Variants in FAM184A observed in about 807,000 individuals in gnomAD.
The protein encoded by FAM184A is family with sequence similarity 184 member A, also known as protein FAM184A.
In FAM184A, 99 loss-of-function variants were observed where a neutral mutation model predicts 143.8. That is an observed-to-expected ratio of 0.69 (90% CI 0.58 to 0.81). The LOEUF (loss-of-function observed/expected upper bound fraction) is 0.81. Among genes scored for constraint, FAM184A ranks in the 40% least tolerant of loss-of-function variants. The probability of loss-of-function intolerance (pLI) is 0.00; values close to 1 mark genes in which losing one functional copy is unlikely to be tolerated. For synonymous variants in FAM184A, 427 were observed against 446.4 expected (o/e 0.96, Z 0.55); for missense variants, 1,217 against 1,310.5 (o/e 0.93, Z 1.10).
chr6:119,067,326 A>G (rs1787492456), intron 1 of FAM184A, among the ~76,000 whole-genome samples: 1 of 152,306 alleles, frequency 6.6e-6, no homozygotes, highest in East Asian at 1.9e-4. Context: ...TAGGGTGGTA[A>G]TAAGAGTCAT....
At chr6:119,096,818 C>G (rs894238013) in intron 1 of FAM184A, among the ~76,000 whole-genome samples, 7 of 152,114 alleles carry the variant, frequency 4.6e-5, no homozygotes, top group African/African-American at 1.4e-4. Context: ...TCCCCACCCC[C>G]ACTCCTCCCG....
At chr6:119,058,132 T>C (rs953711716) in intron 1 of FAM184A, among the ~76,000 whole-genome samples, 1 of 149,210 alleles carries the variant, frequency 6.7e-6, no homozygotes, top group Non-Finnish European at 1.5e-5. Flanking sequence ...CAATGTGACC[T>C]GCCACTCTCT....
At chr6:119,113,678 T>A (rs531348442) in intron 1 of FAM184A, among the ~76,000 whole-genome samples, 2 of 152,168 alleles carry the variant, frequency 1.3e-5, no homozygotes, top group South Asian at 4.2e-4. Context: ...ATGTATTATA[T>A]GCCTGTAATC....
At position 119,006,586 on chromosome 6, in the gene FAM184A, A is replaced by G; in HGVS notation, c.1676T>C (p.Val559Ala). 6.2e-7 allele frequency: 1 copy of G among 1,612,374 alleles called. No individual in the cohort carries two copies. The highest frequency in any genetic ancestry group is 8.5e-7 in the Non-Finnish European group (1 of 1,179,292). The change falls in exon 7 of 18, where the codon GTA becomes GCA. Residue 559 changes from valine to alanine, a missense_variant. Physicochemically the swap from Val to Ala is moderately conservative, Grantham distance 64. Coordinates refer to ENST00000338891, the MANE Select transcript of FAM184A (RefSeq NM_024581.6). ...GCCAAGACCTTGTTCACTTTTCCTT[A>G]CCATATCTTGGAGGTGGCCAATCTG... is the stretch of plus-strand genomic sequence containing the variant. Reference protein sequence around the residue: ...NQEIGHLQDMVRKSEQGLGSA... With the variant: ...NQEIGHLQDMARKSEQGLGSA...
Position 119,024,445 on chromosome 6 carries a change from T to C in FAM184A, c.528A>G (p.Gln176=). The part of the protein sequence containing the change: ...EEKLRSFGQL[Q]VQFEKDKRLA... ...ATCGTTTGTCTTTTTCAAACTGTAC[T>C]TGAAGTTGTCCAAAGCTCCGTAATT... Residue 176 remains glutamine, a synonymous_variant, in exon 2 of 18, where the codon CAA becomes CAG. Transcript: ENST00000338891. 3 of 1,614,146 alleles carry C rather than the reference T, an allele frequency of 1.9e-6. No individual in the cohort carries two copies. The highest frequency in any genetic ancestry group is 2.5e-6 in the Non-Finnish European group (3 of 1,180,030).
At chr6:119,046,048 A>C (rs1033799624) in intron 1 of FAM184A, among the ~76,000 whole-genome samples, 1 of 152,132 alleles carries the variant, frequency 6.6e-6, no homozygotes, top group Non-Finnish European at 1.5e-5. Context: ...AATAAGGAAA[A>C]ACATTCCATC....
intron 1 of FAM184A, among the ~76,000 whole-genome samples, chr6:119,089,622 A>G (rs942192737): frequency 3.9e-5 from 6 of 152,096 alleles, no homozygotes; most frequent in Non-Finnish European, 8.8e-5. Flanking sequence ...TATTTTTAGA[A>G]CAGAATTTTG....
intron 1 of FAM184A, among the ~76,000 whole-genome samples, chr6:119,027,697 C>T (rs780165915): frequency 6.6e-6 from 1 of 152,182 alleles, no homozygotes; most frequent in African/African-American, 2.4e-5. Flanking sequence ...CCTACAGAAA[C>T]TAAAGATAAC....
At chr6:119,012,155 C>T (rs929217808) in intron 5 of FAM184A, among the ~76,000 whole-genome samples, 8 of 152,246 alleles carry the variant, frequency 5.3e-5, no homozygotes, top group African/African-American at 1.9e-4. Flanking sequence ...GGGAACATCA[C>T]ATTCTAGGCA....
upstream of FAM184A, chr6:119,079,166 A>C (rs1295580871): frequency 6.6e-6 from 1 of 152,296 alleles, no homozygotes; most frequent in African/African-American, 2.4e-5. Context: ...CCTTCCTTCC[A>C]ATGGCACACA....
chr6:119,038,982 T>C (rs577349174), intron 1 of FAM184A, among the ~76,000 whole-genome samples: 2 of 152,332 alleles, frequency 1.3e-5, no homozygotes, highest in South Asian at 4.1e-4. Context: ...AGTAATCTGA[T>C]TTTTAAATGG....
intron 6 of FAM184A, among the ~76,000 whole-genome samples, chr6:119,009,986 T>C (rs1785041972): frequency 6.6e-6 from 1 of 152,202 alleles, no homozygotes. Flanking sequence ...ATGCCTTCAC[T>C]TTCTTGACCT....
In FAM184A at chr6:118,970,009, T is replaced by TA. The variant is rs1491454245; in HGVS notation, c.2916-3058_2916-3057insT. 8.5e-3 allele frequency among the ~76,000 whole-genome samples: 197 copies of TA among 23,294 alleles called. 31 individuals carry two copies. Among genetic ancestry groups the TA allele is most frequent in the African/African-American group, 0.021 (124 of 5,782 alleles). 15.3% of individuals were successfully genotyped at this position (23,294 alleles called of 152,430 possible). A position where few individuals can be genotyped will look rare whatever the true frequency, so the allele number is the denominator to read the frequency against. The stretch of plus-strand genomic sequence containing the variant: ...TATATATATAATATATATATATATA[T>TA]TTTTTTTTTTTTGAGATGGAGTTTT... On this transcript the variant is annotated intron_variant, in intron 14 of 17. Transcript: ENST00000338891.
intron 1 of FAM184A, among the ~76,000 whole-genome samples, chr6:119,143,645 C>T (rs1772319688): frequency 6.6e-6 from 1 of 152,196 alleles, no homozygotes; most frequent in African/African-American, 2.4e-5. Flanking sequence ...GAGTGACGTT[C>T]TGACACATGC....
chr6:119,020,227 T>C, intron 3 of FAM184A, 68 bp from the exon 4 acceptor site: 1 of 1,255,274 alleles, frequency 8.0e-7, no homozygotes, highest in East Asian at 2.6e-5. Context: ...CAGTTTACAT[T>C]TAATAACACA....
chr6:119,005,252 C>T (rs924041962), intron 7 of FAM184A: 16 of 151,968 alleles, frequency 1.1e-4, no homozygotes, highest in African/African-American at 3.6e-4. Context: ...ACTGTCATAT[C>T]ACACAGCCAC....
chr6:119,142,084 G>C (rs1003420475), intron 1 of FAM184A, among the ~76,000 whole-genome samples: 1 of 152,196 alleles, frequency 6.6e-6, no homozygotes, highest in African/African-American at 2.4e-5. Context: ...CAGCAATATA[G>C]TTAAAGCGTT....
At chr6:119,057,148 T>TAC (rs990131933) in intron 1 of FAM184A, among the ~76,000 whole-genome samples, 5 of 152,158 alleles carry the variant, frequency 3.3e-5, no homozygotes, top group African/African-American at 1.2e-4. Flanking sequence ...GCTGCCCAAA[T>TAC]ACACACATAC....
chr6:119,034,041 T>TAGAGAGAGAGAGAGAGAG (rs57162948), intron 1 of FAM184A, among the ~76,000 whole-genome samples: 1 of 42,006 alleles, frequency 2.4e-5, no homozygotes, highest in African/African-American at 1.1e-4. Context: ...TATATATATA[T>TAGAGAGAGAGAGAGAGAG]AGAGAGAGAG....
Sources: allele counts gnomAD v4.1 joint callset (sites outside exome capture counted in the v4.1 genomes callset), GRCh38; gene constraint gnomAD v4.1.1; transcripts MANE v1.5; gene names NCBI Gene and HGNC (gene_info 2026-07-23, HGNC 2026-07-21).